Variants in GRIP1 observed in about 807,000 individuals in gnomAD.
GRIP1 encodes glutamate receptor interacting protein 1, also known as glutamate receptor-interacting protein 1.
Under a neutral mutation model 129.9 loss-of-function variants are expected in GRIP1, and 45 were observed. The observed-to-expected ratio is 0.35, with a 90% confidence interval of 0.27 to 0.44. The LOEUF is 0.44. Ranked by LOEUF, GRIP1 falls within the 20% of genes least tolerant of loss-of-function variation. The probability of loss-of-function intolerance (pLI) is 1.00; values close to 1 mark genes in which losing one functional copy is unlikely to be tolerated. For missense variants in GRIP1, 1,196 were observed against 1,396.8 expected, an observed-to-expected ratio of 0.86 and a Z score of 2.29; for synonymous variants, 530 against 520.8, an observed-to-expected ratio of 1.02 and a Z score of -0.24.
intron 15 of GRIP1, among the ~76,000 whole-genome samples, chr12:66,408,886 C>T (rs2137688229): frequency 6.6e-6 from 1 of 152,190 alleles, no homozygotes; most frequent in South Asian, 2.1e-4. Context: ...CAGCAATAGC[C>T]AGGCAGTACT....
intron 5 of GRIP1, among the ~76,000 whole-genome samples, chr12:66,528,656 T>G (rs921484059): frequency 5.9e-5 from 9 of 152,142 alleles, no homozygotes; most frequent in African/African-American, 2.2e-4. Context: ...AGCATACTAA[T>G]CAACATTTTT....
At chr12:66,754,095 G>T (rs1430687812) in intron 1 of GRIP1, among the ~76,000 whole-genome samples, 1 of 152,176 alleles carries the variant, frequency 6.6e-6, no homozygotes, top group Non-Finnish European at 1.5e-5. Context: ...CCTCTTAGTT[G>T]CCCCTTAGGG....
intron 1 of GRIP1, among the ~76,000 whole-genome samples, chr12:67,013,006 T>C (rs2042732701): frequency 6.6e-6 from 1 of 152,198 alleles, no homozygotes; most frequent in Non-Finnish European, 1.5e-5. Context: ...TTTCAACTTT[T>C]TGAGAAAACC....
chr12:66,415,816 G>A (rs192318467), intron 15 of GRIP1, among the ~76,000 whole-genome samples: 1 of 152,258 alleles, frequency 6.6e-6, no homozygotes, highest in East Asian at 1.9e-4. Flanking sequence ...AACTAACACA[G>A]AAACAGAAAA....
At position 66,577,914 on chromosome 12, in the gene GRIP1, A is replaced by G. The variant is rs372817322; in HGVS notation, c.136+18933T>C. Reference sequence around the variant, plus strand: ...GCTTTTAGTGAGCCATGATCATGCCACTGCACTCCAGCCTGGCTGACAGAG... The same window carrying G: ...GCTTTTAGTGAGCCATGATCATGCCGCTGCACTCCAGCCTGGCTGACAGAG... On this transcript the variant is annotated intron_variant, in intron 2 of 24. Transcript: ENST00000359742. Among the ~76,000 whole-genome samples, 6 of 152,294 alleles carry G rather than the reference A, an allele frequency of 3.9e-5. No homozygotes were observed. In the East Asian group the frequency reaches 9.6e-4, roughly 24 times the overall value.
upstream of GRIP1, among the ~76,000 whole-genome samples, chr12:66,807,398 G>C (rs1422307814): frequency 1.3e-5 from 2 of 151,950 alleles, no homozygotes; most frequent in African/African-American, 4.8e-5. Flanking sequence ...ACCTGGCCAG[G>C]CGCGGTGGCT....
At chr12:66,419,969 C>A (rs774377200) in intron 15 of GRIP1, among the ~76,000 whole-genome samples, 20 of 152,172 alleles carry the variant, frequency 1.3e-4, no homozygotes, top group Non-Finnish European at 2.4e-4. Flanking sequence ...TGGCGGTGTG[C>A]ACCTGTAATC....
intron 9 of GRIP1, among the ~76,000 whole-genome samples, chr12:66,456,930 T>C (rs2058984266): frequency 6.6e-6 from 1 of 152,208 alleles, no homozygotes. Context: ...GAATCTTATC[T>C]GTATCTCGAC....
chr12:67,067,066 CTTAA>C (rs1360909155), intron 1 of GRIP1, among the ~76,000 whole-genome samples: 2 of 151,778 alleles, frequency 1.3e-5, no homozygotes, highest in Non-Finnish European at 2.9e-5. Flanking sequence ...AAAAGCATCT[CTTAA>C]TTAAAGTGAG....
intron 1 of GRIP1, among the ~76,000 whole-genome samples, chr12:66,909,591 T>C (rs1165227183): frequency 6.6e-6 from 1 of 152,234 alleles, no homozygotes; most frequent in South Asian, 2.1e-4. Context: ...TTCCTACTTA[T>C]AGCCAATTAG....
chr12:66,771,047 C>CA (rs1451747378), intron 1 of GRIP1, among the ~76,000 whole-genome samples: 1 of 152,086 alleles, frequency 6.6e-6, no homozygotes, highest in African/African-American at 2.4e-5. Context: ...GAGCCAAGAT[C>CA]ACGCCATTGC....
rs140741543 is a variant in GRIP1, at chr12:66,762,500, T to C, written c.-420+41553A>G. ...TTTCCTATTTTCTCCTTATTGTTAA[T>C]TTCAATAATATATGTTGTACAACTT... On this transcript the variant is annotated intron_variant, in intron 1 of 4. Coordinates refer to the GRIP1 transcript ENST00000538373. Among the ~76,000 whole-genome samples the C allele has an allele frequency of 4.2e-3, 643 of 152,366 alleles. 3 individuals are homozygous for C. Among genetic ancestry groups the C allele is most frequent in the African/African-American group, 0.015 (618 of 41,592 alleles).
intron 7 of GRIP1, among the ~76,000 whole-genome samples, chr12:66,487,568 C>T (rs1284399436): frequency 1.3e-5 from 2 of 152,032 alleles, no homozygotes; most frequent in South Asian, 2.1e-4. Context: ...ATGAAGCAAC[C>T]ACATAAACAA....
At chr12:66,380,664 A>C (rs2056064272) in intron 19 of GRIP1, among the ~76,000 whole-genome samples, 2 of 152,360 alleles carry the variant, frequency 1.3e-5, no homozygotes, top group Admixed American at 1.3e-4. Flanking sequence ...GCAAGTATTT[A>C]CATTTTGTGA....
chr12:66,673,604 T>C (rs1417983890), intron 1 of GRIP1, among the ~76,000 whole-genome samples: 1 of 152,224 alleles, frequency 6.6e-6, no homozygotes, highest in Non-Finnish European at 1.5e-5. Context: ...TGCGCCATTA[T>C]GATAATTCTA....
At chr12:66,854,713 A>G (rs1006515041) in intron 1 of GRIP1, among the ~76,000 whole-genome samples, 1 of 152,070 alleles carries the variant, frequency 6.6e-6, no homozygotes, top group Non-Finnish European at 1.5e-5. Context: ...TTTTCCAACT[A>G]TATCACCATG....
rs531237577 is a variant in GRIP1 at position 66,450,053 on chromosome 12, C to T, written c.1355-4545G>A. Among the ~76,000 whole-genome samples the T allele has an allele frequency of 5.9e-5, 9 of 151,988 alleles. No homozygotes were observed. In the South Asian group the frequency reaches 1.9e-3, roughly 32 times the overall value. ...CGGTGGCTCACGCCTGTAATCCCAG[C>T]ACTTTGGGAGGCCGAGTCGGGCGGA... On this transcript the variant is annotated intron_variant, in intron 11 of 24. Coordinates refer to ENST00000359742, the MANE Select transcript of GRIP1 (RefSeq NM_001366722.1).
intron 7 of GRIP1, among the ~76,000 whole-genome samples, chr12:66,497,320 G>A (rs1197519389): frequency 3.3e-5 from 5 of 152,210 alleles, no homozygotes; most frequent in African/African-American, 1.2e-4. Flanking sequence ...TGTTATGGAA[G>A]TTTGTTTTGT....
At chr12:66,481,179 A>C (rs1414899936) in intron 7 of GRIP1, among the ~76,000 whole-genome samples, 2 of 151,968 alleles carry the variant, frequency 1.3e-5, no homozygotes, top group African/African-American at 4.8e-5. Flanking sequence ...AATGGGAGAA[A>C]ATTTTTGCAA....
Sources: gnomAD v4.1 joint callset for allele counts (sites outside exome capture counted in the v4.1 genomes callset) on GRCh38, gnomAD v4.1.1 for gene constraint, MANE v1.5 for transcripts, NCBI Gene and HGNC (gene_info 2026-07-23, HGNC 2026-07-21) for gene names.